Variants in EYS observed in about 807,000 individuals in gnomAD.
The protein encoded by EYS is protein eyes shut homolog.
In EYS, 250 loss-of-function variants were observed where a neutral mutation model predicts 282.1. That is an observed-to-expected ratio of 0.89 (90% CI 0.80 to 0.98). EYS has a LOEUF of 0.98. Ranked by LOEUF, EYS falls within the 50% of genes least tolerant of loss-of-function variation. The probability of loss-of-function intolerance (pLI) is 0.00; values close to 1 mark genes in which losing one functional copy is unlikely to be tolerated. For missense variants in EYS, 4,016 were observed against 3,709.0 expected (o/e 1.08, Z -2.15); for synonymous variants, 1,355 against 1,282.9 (o/e 1.06, Z -1.20).
intron 2 of EYS, among the ~76,000 whole-genome samples, chr6:65,498,462 T>C (rs1221159512): frequency 3.3e-5 from 5 of 152,004 alleles, no homozygotes; most frequent in African/African-American, 9.7e-5. Flanking sequence ...TACATTTGCA[T>C]TGAAGCAAAA....
intron 26 of EYS, among the ~76,000 whole-genome samples, chr6:64,446,295 A>C: frequency 6.6e-6 from 1 of 152,212 alleles, no homozygotes; most frequent in East Asian, 1.9e-4. Context: ...TAAGAGAAAA[A>C]TCAGGAATCA....
intron 30 of EYS, among the ~76,000 whole-genome samples, chr6:64,234,740 C>T (rs751241033): frequency 6.6e-6 from 1 of 152,160 alleles, no homozygotes; most frequent in Non-Finnish European, 1.5e-5. Context: ...GTTTAATCTA[C>T]ATTCTGTCTG....
chr6:64,615,201 T>C (rs903118267), intron 24 of EYS, among the ~76,000 whole-genome samples: 2 of 152,120 alleles, frequency 1.3e-5, no homozygotes, highest in Non-Finnish European at 2.9e-5. Flanking sequence ...TTCTAATTCT[T>C]ATAACTGCTT....
At chr6:64,448,052 G>C (rs1437650204) in intron 26 of EYS, among the ~76,000 whole-genome samples, 2 of 152,234 alleles carry the variant, frequency 1.3e-5, no homozygotes, top group East Asian at 3.8e-4. Flanking sequence ...CCTAAGCAGG[G>C]CGAGGCATTA....
intron 35 of EYS, among the ~76,000 whole-genome samples, chr6:63,883,845 G>A (rs1319099855): frequency 1.3e-5 from 2 of 152,222 alleles, no homozygotes; most frequent in African/African-American, 2.4e-5. Flanking sequence ...CATGGCTGAC[G>A]CCTTCTCATC....
chr6:63,976,606 A>G (rs1015119774), intron 35 of EYS, among the ~76,000 whole-genome samples: 2 of 152,068 alleles, frequency 1.3e-5, no homozygotes, highest in African/African-American at 4.8e-5. Context: ...GCATCCTTTC[A>G]GTGTCTATAA....
At chr6:64,250,261 A>T (rs1278567294) in intron 30 of EYS, among the ~76,000 whole-genome samples, 1 of 152,212 alleles carries the variant, frequency 6.6e-6, no homozygotes, top group Non-Finnish European at 1.5e-5. Context: ...TTGCCTGATA[A>T]GTCGGTAAAC....
chr6:64,237,790 G>A (rs1373740613), intron 30 of EYS, among the ~76,000 whole-genome samples: 1 of 151,922 alleles, frequency 6.6e-6, no homozygotes, highest in Non-Finnish European at 1.5e-5. Flanking sequence ...TTTTATGAGA[G>A]CAAAGCAATA....
At chr6:64,995,924 C>A (rs1446833812) in intron 14 of EYS, among the ~76,000 whole-genome samples, 1 of 152,084 alleles carries the variant, frequency 6.6e-6, no homozygotes, top group African/African-American at 2.4e-5. Context: ...CTTAATGTCC[C>A]ACAGAATATC....
At chr6:64,562,173 AT>A (rs529249673) in intron 26 of EYS, among the ~76,000 whole-genome samples, 119 of 146,362 alleles carry the variant, frequency 8.1e-4, no homozygotes, top group Middle Eastern at 3.6e-3. Flanking sequence ...CATCATCAGG[AT>A]TTTTTTTTTT....
chr6:64,069,429 T>C (rs1771491496), intron 32 of EYS, among the ~76,000 whole-genome samples: 2 of 152,058 alleles, frequency 1.3e-5, no homozygotes, highest in African/African-American at 2.4e-5. Flanking sequence ...TTTATCAGTA[T>C]ATGTATGTAT....
At chr6:65,043,804 T>C (rs556833203) in intron 13 of EYS, among the ~76,000 whole-genome samples, 2 of 151,664 alleles carry the variant, frequency 1.3e-5, no homozygotes, top group Admixed American at 6.6e-5. Context: ...CTTAGGTTGA[T>C]TCCATCTCCT....
intron 15 of EYS, among the ~76,000 whole-genome samples, chr6:64,940,574 T>A (rs1394647985): frequency 6.6e-6 from 1 of 152,092 alleles, no homozygotes; most frequent in Non-Finnish European, 1.5e-5. Flanking sequence ...CAATTTGTGT[T>A]CATACATCAA....
chr6:64,313,641 G>T (rs189320420), intron 29 of EYS, among the ~76,000 whole-genome samples: 1 of 152,040 alleles, frequency 6.6e-6, no homozygotes, highest in Non-Finnish European at 1.5e-5. Context: ...GAGAAAGGTC[G>T]GGTTACCCAC....
intron 28 of EYS, among the ~76,000 whole-genome samples, chr6:64,426,349 C>G (rs946830668): frequency 6.6e-6 from 1 of 152,228 alleles, no homozygotes; most frequent in Admixed American, 6.5e-5. Context: ...TCACAGGTGA[C>G]AGTAACAAAA....
At chr6:65,413,947 T>C (rs77171829) in intron 5 of EYS, among the ~76,000 whole-genome samples, 1,720 of 152,200 alleles carry the variant, frequency 0.011, 35 homozygotes, top group African/African-American at 0.039. Context: ...TAATATATTA[T>C]ATAAGGATTT....
intron 12 of EYS, among the ~76,000 whole-genome samples, chr6:65,115,635 G>A (rs996053309): frequency 6.6e-6 from 1 of 151,924 alleles, no homozygotes; most frequent in East Asian, 1.9e-4. Context: ...ATTAGAAATA[G>A]TCTATTGAGG....
chr6:65,489,949 A>C (rs2127265699), intron 5 of EYS: 1 of 152,308 alleles, frequency 6.6e-6, no homozygotes, highest in Non-Finnish European at 1.5e-5. Flanking sequence ...GGACACAGGA[A>C]GGGGAACATT....
chr6:64,878,720 A>T (rs976127686), intron 19 of EYS, among the ~76,000 whole-genome samples: 5 of 151,658 alleles, frequency 3.3e-5, no homozygotes, highest in Admixed American at 1.3e-4. Flanking sequence ...TTTAATAATG[A>T]GTCCTATAAT....
Sources: allele counts gnomAD v4.1 joint callset (sites outside exome capture counted in the v4.1 genomes callset), GRCh38; gene constraint gnomAD v4.1.1; transcripts MANE v1.5; gene names NCBI Gene and HGNC (gene_info 2026-07-23, HGNC 2026-07-21).